The following GRIN2B variants were observed in gnomAD, a reference collection of about 807,000 sequenced individuals.
GRIN2B encodes glutamate ionotropic receptor NMDA type subunit 2B.
A neutral mutation model predicts 114.5 loss-of-function variants in GRIN2B; 5 were observed. The ratio of observed to expected loss-of-function variants is 0.04; its 90% CI spans 0.02 to 0.09. The LOEUF (loss-of-function observed/expected upper bound fraction) is 0.09, where lower values mean the gene tolerates loss of function less well. Among genes scored for constraint, GRIN2B ranks in the 10% least tolerant of loss-of-function variants. GRIN2B has a pLI of 1.00. For synonymous variants in GRIN2B, 787 were observed against 745.1 expected, an observed-to-expected ratio of 1.06 and a Z score of -0.92; for missense variants, 1,108 against 1,943.5, an observed-to-expected ratio of 0.57 and a Z score of 8.08.
intron 4 of GRIN2B, among the ~76,000 whole-genome samples, chr12:13,707,010 T>C (rs1950365617): frequency 6.6e-6 from 1 of 152,100 alleles, no homozygotes; most frequent in African/African-American, 2.4e-5. Context: ...ACCCGTCACT[T>C]CTCGCTGCTC....
intron 2 of GRIN2B, among the ~76,000 whole-genome samples, chr12:13,940,691 C>A (rs920048886): frequency 6.6e-6 from 1 of 152,040 alleles, no homozygotes; most frequent in African/African-American, 2.4e-5. Context: ...AAACACTCAA[C>A]CATGGGAAAT....
chr12:13,761,259 G>T (rs1275153962), intron 3 of GRIN2B, among the ~76,000 whole-genome samples: 1 of 152,208 alleles, frequency 6.6e-6, no homozygotes, highest in Non-Finnish European at 1.5e-5. Flanking sequence ...GAAGATAATT[G>T]TCCTTTCTAC....
chr12:13,591,192 C>T (rs1949004667), intron 10 of GRIN2B, among the ~76,000 whole-genome samples: 1 of 152,154 alleles, frequency 6.6e-6, no homozygotes, highest in African/African-American at 2.4e-5. Flanking sequence ...CTCAAAATCT[C>T]ACTGAAACAA....
chr12:13,841,270 A>G (rs895663551), intron 3 of GRIN2B, among the ~76,000 whole-genome samples: 1 of 152,176 alleles, frequency 6.6e-6, no homozygotes, highest in African/African-American at 2.4e-5. Flanking sequence ...CCTAAACTCT[A>G]ACCCAGTGTT....
intron 2 of GRIN2B, among the ~76,000 whole-genome samples, chr12:13,874,753 G>A (rs1353192659): frequency 6.6e-6 from 1 of 152,184 alleles, no homozygotes; most frequent in Non-Finnish European, 1.5e-5. Context: ...GGGACGGGCA[G>A]TGAAAATGAG....
chr12:13,779,356 T>C (rs1054407490), intron 3 of GRIN2B, among the ~76,000 whole-genome samples: 1 of 152,200 alleles, frequency 6.6e-6, no homozygotes, highest in East Asian at 1.9e-4. Context: ...GTCCTCTTTA[T>C]CTTTATAGAT....
intron 5 of GRIN2B, among the ~76,000 whole-genome samples, chr12:13,635,578 C>G (rs1167298485): frequency 1.3e-5 from 2 of 152,134 alleles, no homozygotes; most frequent in Non-Finnish European, 2.9e-5. Context: ...TTGGAAATAG[C>G]AGACGTAAGT....
In GRIN2B at chr12:13,544,805, C is replaced by T. The variant is rs1565443295; in HGVS notation, c.*17978G>A. 1 of 152,226 alleles carries T rather than the reference C, an allele frequency of 6.6e-6. No individual in the cohort carries two copies. The highest frequency in any genetic ancestry group is 1.5e-5 in the Non-Finnish European group (1 of 68,044). 9.4% of individuals were successfully genotyped at this position (152,226 alleles called of 1,614,324 possible). A position where few individuals can be genotyped will look rare whatever the true frequency, so the allele number is the denominator to read the frequency against. ...TCCCCTGCTAACATCATGGCCCAAG[C>T]AACTATGATCTCTTACCAGGATTAT... On this transcript the variant is annotated 3_prime_UTR_variant, in exon 14 of 14. Coordinates refer to ENST00000609686, the MANE Select transcript of GRIN2B (RefSeq NM_000834.5).
intron 3 of GRIN2B, among the ~76,000 whole-genome samples, chr12:13,764,309 G>C (rs1863736443): frequency 6.6e-6 from 1 of 152,014 alleles, no homozygotes; most frequent in Non-Finnish European, 1.5e-5. Flanking sequence ...TACTAATCCT[G>C]TCAACATTCC....
At chr12:13,838,093 A>AT (rs1056503550) in intron 3 of GRIN2B, among the ~76,000 whole-genome samples, 1 of 152,204 alleles carries the variant, frequency 6.6e-6, no homozygotes, top group African/African-American at 2.4e-5. Context: ...AAAACCATCC[A>AT]TTTTTACCAA....
At chr12:13,928,299 T>C (rs1332206884) in intron 2 of GRIN2B, among the ~76,000 whole-genome samples, 1 of 137,740 alleles carries the variant, frequency 7.3e-6, no homozygotes, top group Non-Finnish European at 1.5e-5. Context: ...CAAGACTTCA[T>C]CTCAAAAAAA....
rs968263622 is a variant in GRIN2B at position 13,957,575 on chromosome 12, C to T, written c.-19+22353G>A. On this transcript the variant is annotated intron_variant, in intron 2 of 13. Transcript: ENST00000609686. ...GAAGCAGTTCAGCTTCCTCCCATGA[C>T]CTGTCTCCTGTGGGAAGAGGCGAGA... is the stretch of plus-strand genomic sequence containing the variant. Among the ~76,000 whole-genome samples the T allele has an allele frequency of 2.0e-5, 3 of 152,140 alleles. No homozygotes were observed. The East Asian group carries it at 5.8e-4, about 29-fold the overall frequency.
In GRIN2B at chr12:13,927,982, A is replaced by AAAAAAAAAAAAAAAAAAAAAG. The variant is rs71067738; in HGVS notation, c.-19+51945_-19+51946insCTTTTTTTTTTTTTTTTTTTT. Among the ~76,000 whole-genome samples, 784 of 129,496 alleles carry AAAAAAAAAAAAAAAAAAAAAG rather than the reference A, an allele frequency of 6.1e-3. 50 individuals carry two copies. Among genetic ancestry groups the AAAAAAAAAAAAAAAAAAAAAG allele is most frequent in the Non-Finnish European group, 9.9e-3 (597 of 60,170 alleles). The allele number at this position is 129,496 out of a possible 152,430, so 85.0% of individuals were successfully genotyped here. A position where few individuals can be genotyped will look rare whatever the true frequency, so the allele number is the denominator to read the frequency against. Reference sequence around the variant, plus strand: ...ACCCTGTCTCAAAAAAAAAAAAAAAAGGGGGGGTATGCTGTGGAAAGGATG... The same window carrying AAAAAAAAAAAAAAAAAAAAAG: ...ACCCTGTCTCAAAAAAAAAAAAAAAAAAAAAAAAAAAAAAAAAAAAGGGGGGGGTATGCTGTGGAAAGGATG... On this transcript the variant is annotated intron_variant, in intron 2 of 13. Transcript: ENST00000609686.
intron 3 of GRIN2B, among the ~76,000 whole-genome samples, chr12:13,766,738 G>T (rs1863797205): frequency 2.0e-5 from 3 of 152,174 alleles, no homozygotes; most frequent in Non-Finnish European, 4.4e-5. Context: ...ATTGCAAATT[G>T]ATTTTGTTAA....
intron 2 of GRIN2B, among the ~76,000 whole-genome samples, chr12:13,880,617 T>C (rs1866057152): frequency 6.6e-6 from 1 of 152,202 alleles, no homozygotes; most frequent in Non-Finnish European, 1.5e-5. Context: ...AAGCTGTCAC[T>C]GTTGAGAAGT....
intron 3 of GRIN2B, among the ~76,000 whole-genome samples, chr12:13,768,291 G>A (rs191535040): frequency 3.9e-4 from 59 of 152,332 alleles, no homozygotes; most frequent in African/African-American, 1.3e-3. Context: ...CCCAGTGCCT[G>A]CAGTCTGGGC....
At chr12:13,750,821 T>A (rs952918146) in intron 4 of GRIN2B, among the ~76,000 whole-genome samples, 1 of 152,130 alleles carries the variant, frequency 6.6e-6, no homozygotes, top group African/African-American at 2.4e-5. Flanking sequence ...AAATGAGTGC[T>A]ATGGGAGGGT....
intron 13 of GRIN2B, among the ~76,000 whole-genome samples, chr12:13,566,444 G>T (rs1948642224): frequency 6.6e-6 from 1 of 152,162 alleles, no homozygotes; most frequent in Non-Finnish European, 1.5e-5. Context: ...ATGAAGAGGA[G>T]ACCTAAATAA....
At chr12:13,780,907 A>G (rs1337675596) in intron 3 of GRIN2B, among the ~76,000 whole-genome samples, 1 of 152,044 alleles carries the variant, frequency 6.6e-6, no homozygotes, top group Non-Finnish European at 1.5e-5. Context: ...CTTGCAAAAA[A>G]GGGAAAAAAA....
Sources: gnomAD v4.1 joint callset for allele counts (sites outside exome capture counted in the v4.1 genomes callset) on GRCh38, gnomAD v4.1.1 for gene constraint, MANE v1.5 for transcripts, NCBI Gene and HGNC (gene_info 2026-07-23, HGNC 2026-07-21) for gene names.